The following RC3H1 variants were observed in gnomAD, a reference collection of about 807,000 sequenced individuals.
RC3H1 encodes ring finger and CCCH-type domains 1.
RC3H1 carries 50 observed loss-of-function variants against 138.2 expected under a neutral mutation model. That is an observed-to-expected ratio of 0.36 (90% confidence interval 0.29 to 0.46). The LOEUF (loss-of-function observed/expected upper bound fraction) is 0.46, where lower values mean the gene tolerates loss of function less well. RC3H1 is among the 20% of genes least tolerant of loss of function. The pLI is 1.00. For synonymous variants in RC3H1, 462 were observed against 489.1 expected (o/e 0.94, Z 0.73); for missense variants, 1,031 against 1,388.1 (o/e 0.74, Z 4.09).
In RC3H1 at chr1:173,943,544, C is replaced by T. The variant is rs926962016; in HGVS notation, c.3033G>A (p.Pro1011=). The T allele has an allele frequency of 1.5e-5, 24 of 1,613,910 alleles. No homozygotes were observed. Among genetic ancestry groups the T allele is most frequent in the Middle Eastern group, 1.6e-4 (1 of 6,072 alleles). ...TCATCCCAGGCCATTTTGGAGGTGG[C>T]GGTGGTGGGGGCTGTGACTGGCCTG... The part of the protein sequence containing the change: ...TLAGQSQPPP[P]PPPKWPGMIS... Residue 1011 remains proline, a synonymous_variant, in exon 18 of 20, where the codon CCG becomes CCA. Transcript: ENST00000367696.
chr1:173,969,419 G>C (rs1258936724), intron 9 of RC3H1: 2 of 151,276 alleles, frequency 1.3e-5, no homozygotes, highest in Non-Finnish European at 2.9e-5. Context: ...GTGGATTCAG[G>C]GTGTTATGCC....
At chr1:173,969,828 T>A (rs1184054580) in intron 9 of RC3H1, among the ~76,000 whole-genome samples, 1 of 151,982 alleles carries the variant, frequency 6.6e-6, no homozygotes, top group Non-Finnish European at 1.5e-5. Context: ...TTTAAAAGAA[T>A]CTGTTAAACT....
intron 2 of RC3H1, among the ~76,000 whole-genome samples, chr1:173,990,200 C>T (rs1363162167): frequency 1.3e-5 from 2 of 151,592 alleles, no homozygotes; most frequent in Admixed American, 6.6e-5. Context: ...GCCTCAGCCC[C>T]GAGTAGCTGG....
At chr1:173,940,262 G>A (rs968937065) in intron 19 of RC3H1, among the ~76,000 whole-genome samples, 12 of 151,928 alleles carry the variant, frequency 7.9e-5, no homozygotes, top group East Asian at 1.9e-4. Flanking sequence ...ACCTGAGGTC[G>A]GGAGTTTCAG....
intron 1 of RC3H1, among the ~76,000 whole-genome samples, chr1:174,003,385 T>TCACACACA (rs3220994): frequency 0.013 from 1,799 of 143,306 alleles, 25 homozygotes; most frequent in East Asian, 0.045. Context: ...AAGACTCCTA[T>TCACACACA]CACACACACA....
At position 173,935,891 on chromosome 1, in the gene RC3H1, T is replaced by G. The variant is rs759226128; in HGVS notation, c.*2830A>C. 2 of 152,128 alleles carry G rather than the reference T, an allele frequency of 1.3e-5. No homozygotes were observed. Among genetic ancestry groups the G allele is most frequent in the Non-Finnish European group, 2.9e-5 (2 of 68,024 alleles). 9.4% of individuals were successfully genotyped at this position (152,128 alleles called of 1,614,324 possible). On this transcript the variant is annotated 3_prime_UTR_variant, in exon 20 of 20. Transcript: ENST00000367696. ...CTTCTGCCTTTCTGCCCAACCAGAT[T>G]AGCTCTAGAGTGTAGGACCATGGAG...
At chr1:174,019,161 A>G (rs1034104995) in intron 1 of RC3H1, among the ~76,000 whole-genome samples, 1 of 152,230 alleles carries the variant, frequency 6.6e-6, no homozygotes, top group African/African-American at 2.4e-5. Context: ...TGTAAACAGT[A>G]TGAGTTTTTA....
chr1:173,959,176 G>C (rs1002528563), intron 13 of RC3H1, among the ~76,000 whole-genome samples: 2 of 151,946 alleles, frequency 1.3e-5, no homozygotes, highest in Non-Finnish European at 2.9e-5. Flanking sequence ...ATTATTCAGA[G>C]GACATAATTG....
At chr1:173,954,861 G>T (rs1271843323) in intron 13 of RC3H1, among the ~76,000 whole-genome samples, 1 of 152,028 alleles carries the variant, frequency 6.6e-6, no homozygotes, top group Non-Finnish European at 1.5e-5. Flanking sequence ...AAATAAAATG[G>T]AAAGTATCTA....
At position 173,941,266 on chromosome 1, in the gene RC3H1, T is replaced by G. The variant is rs1045486804; in HGVS notation, c.3250A>C (p.Ser1084Arg). Residue 1084 changes from serine (S) to arginine (R), a missense_variant and splice_region_variant, in exon 19 of 20, where the codon AGT becomes CGT. This residue lies in a region of RC3H1 where 716 missense variants were observed against 837.9 expected (regional missense o/e 0.85). Transcript: ENST00000367696. ...VPAEDLTLTFSDVPNGSALTQ... is the reference protein window; with the variant it reads ...VPAEDLTLTFRDVPNGSALTQ... ...CTACGACAATCTCCTTTTCTTTACC[T>G]GAATGTCAATGTAAGGTCCTCAGCC... The G allele has an allele frequency of 6.3e-7, 1 of 1,592,472 alleles. No individual in the cohort carries two copies. The highest frequency in any genetic ancestry group is 8.6e-7 in the Non-Finnish European group (1 of 1,160,644).
chr1:173,974,013 G>A (rs1404575130), intron 7 of RC3H1, among the ~76,000 whole-genome samples: 1 of 152,074 alleles, frequency 6.6e-6, no homozygotes, highest in South Asian at 2.1e-4. Flanking sequence ...ATAGAGCTAA[G>A]AAGAGAAGTG....
At chr1:173,995,119 T>A (rs955321325) in intron 1 of RC3H1, among the ~76,000 whole-genome samples, 26 of 152,132 alleles carry the variant, frequency 1.7e-4, no homozygotes, top group African/African-American at 5.8e-4. Flanking sequence ...GTGATATTTA[T>A]GGTAAGATTT....
intron 12 of RC3H1, 80 bp downstream of exon 12, chr1:173,961,645 T>C: frequency 7.7e-7 from 1 of 1,301,974 alleles, no homozygotes; most frequent in Non-Finnish European, 1.1e-6. Flanking sequence ...CAAAGGGTTA[T>C]TGTCATTGCA....
chr1:173,941,153 AT>A (rs1473514400), intron 19 of RC3H1, 111 bp downstream of exon 19: 2 of 712,532 alleles, frequency 2.8e-6, no homozygotes, highest in Non-Finnish European at 4.7e-6. Context: ...GAATAATGAT[AT>A]TTTAAGAATC....
At chr1:173,966,809 T>A (rs1265151724) in intron 9 of RC3H1, among the ~76,000 whole-genome samples, 2 of 152,154 alleles carry the variant, frequency 1.3e-5, no homozygotes, top group African/African-American at 4.8e-5. Context: ...GACAAATTTC[T>A]GAGGTTGGGG....
rs114370266 is a variant in RC3H1, at chr1:173,949,209, T to C, written c.2524-1627A>G. Among the ~76,000 whole-genome samples, 576 of 151,274 alleles carry C rather than the reference T, an allele frequency of 3.8e-3. 4 individuals carry two copies. Among genetic ancestry groups the C allele is most frequent in the African/African-American group, 0.012 (497 of 41,322 alleles). ...CACTCATTTACAGTGGTTATCAGCATCCAAATCTTTTTTTATTGCAAATAT... is the reference window on the plus strand; with the variant it reads ...CACTCATTTACAGTGGTTATCAGCACCCAAATCTTTTTTTATTGCAAATAT... On this transcript the variant is annotated intron_variant, in intron 14 of 19. Coordinates refer to ENST00000367696, the MANE Select transcript of RC3H1 (RefSeq NM_172071.4).
At chr1:173,944,231 C>G (rs1171414327) in intron 17 of RC3H1, among the ~76,000 whole-genome samples, 1 of 150,810 alleles carries the variant, frequency 6.6e-6, no homozygotes, top group Non-Finnish European at 1.5e-5. Flanking sequence ...AGATGTGCAT[C>G]TTTCCCCCTC....
chr1:173,995,296 GGAC>G (rs897823547), intron 1 of RC3H1, among the ~76,000 whole-genome samples: 6 of 152,122 alleles, frequency 3.9e-5, no homozygotes, highest in Admixed American at 1.3e-4. Context: ...CACTTTGGGA[GGAC>G]GAGACAGGTG....
chr1:173,986,820 TCTCAAAGCG>T (rs1194425825), intron 2 of RC3H1, among the ~76,000 whole-genome samples: 1 of 152,168 alleles, frequency 6.6e-6, no homozygotes, highest in Non-Finnish European at 1.5e-5. Flanking sequence ...TGCCTTGGCC[TCTCAAAGCG>T]CTGGGATTAC....
Sources: allele counts gnomAD v4.1 joint callset (sites outside exome capture counted in the v4.1 genomes callset), GRCh38; gene constraint gnomAD v4.1.1; regional missense constraint gnomAD v4.1.1; transcripts MANE v1.5; gene names NCBI Gene and HGNC (gene_info 2026-07-23, HGNC 2026-07-21).